The following IPO11 variants were observed in gnomAD, a reference collection of about 807,000 sequenced individuals.
IPO11 encodes importin-11.
In IPO11, 66 loss-of-function variants were observed where a neutral mutation model predicts 143.2. The observed-to-expected ratio is 0.46, with a 90% CI of 0.38 to 0.57. The LOEUF is 0.57. IPO11 is among the 20% of genes least tolerant of loss of function. The probability of loss-of-function intolerance (pLI) is 0.00; values close to 1 mark genes in which losing one functional copy is unlikely to be tolerated. For missense variants in IPO11, 1,026 were observed against 1,141.0 expected, an observed-to-expected ratio of 0.90 and a Z score of 1.45; for synonymous variants, 385 against 377.8, an observed-to-expected ratio of 1.02 and a Z score of -0.22.
rs192741051 is a variant in IPO11 at position 62,462,822 on chromosome 5, T to C, written c.517-4309T>C. On this transcript the variant is annotated intron_variant, in intron 5 of 29. Transcript: ENST00000325324. ...TTTTATTTGGCTGACTCTTTTTTTT[T>C]TCTTTTTCAAGCTTAATCTTACTTT... 8.7e-3 allele frequency among the ~76,000 whole-genome samples: 1,326 copies of C among 152,234 alleles called. 76 individuals carry two copies. Among genetic ancestry groups the C allele is most frequent in the Admixed American group, 0.078 (1,193 of 15,278 alleles).
At chr5:62,595,907 G>T (rs889820626) in intron 28 of IPO11, among the ~76,000 whole-genome samples, 2 of 151,678 alleles carry the variant, frequency 1.3e-5, no homozygotes, top group African/African-American at 4.8e-5. Context: ...TTGTTGAAAG[G>T]AATATTGGGA....
chr5:62,527,537 A>C (rs1474923640), intron 21 of IPO11, among the ~76,000 whole-genome samples: 4 of 152,246 alleles, frequency 2.6e-5, no homozygotes, highest in African/African-American at 9.6e-5. Context: ...TTGTGCAAAC[A>C]TGTAGATACT....
At chr5:62,432,792 G>A (rs1219426336) in intron 1 of IPO11, among the ~76,000 whole-genome samples, 11 of 152,138 alleles carry the variant, frequency 7.2e-5, no homozygotes, top group Admixed American at 5.9e-4. Flanking sequence ...AATGTTGACC[G>A]TTTTTGATGT....
chr5:62,536,249 A>G (rs1376128715), intron 22 of IPO11, among the ~76,000 whole-genome samples: 2 of 152,180 alleles, frequency 1.3e-5, no homozygotes, highest in Non-Finnish European at 2.9e-5. Flanking sequence ...TTCATGTAGT[A>G]TGCCATGCTA....
chr5:62,617,251 TC>T (rs1401151748), intron 29 of IPO11, among the ~76,000 whole-genome samples: 1 of 152,240 alleles, frequency 6.6e-6, no homozygotes, highest in Non-Finnish European at 1.5e-5. Flanking sequence ...ACTCGGCATA[TC>T]CATGACATTT....
chr5:62,509,723 C>T (rs1435043131), intron 19 of IPO11, among the ~76,000 whole-genome samples: 1 of 152,068 alleles, frequency 6.6e-6, no homozygotes, highest in Admixed American at 6.6e-5. Context: ...TTTTAGATAC[C>T]TCATATAAGT....
chr5:62,571,963 G>T (rs950060057), intron 27 of IPO11, among the ~76,000 whole-genome samples: 3 of 152,128 alleles, frequency 2.0e-5, no homozygotes, highest in Non-Finnish European at 4.4e-5. Context: ...TGGGATTACA[G>T]GTATGAGCCA....
At chr5:62,532,512 C>T (rs1742585899) in intron 22 of IPO11, among the ~76,000 whole-genome samples, 1 of 152,094 alleles carries the variant, frequency 6.6e-6, no homozygotes, top group Non-Finnish European at 1.5e-5. Context: ...CATGTGCCAC[C>T]ATGCCCAGCT....
chr5:62,552,568 T>A (rs1323155074), intron 26 of IPO11, among the ~76,000 whole-genome samples: 1 of 151,764 alleles, frequency 6.6e-6, no homozygotes, highest in Non-Finnish European at 1.5e-5. Context: ...CACCTTGGCC[T>A]CCCAAAGTGC....
intron 26 of IPO11, among the ~76,000 whole-genome samples, chr5:62,559,365 G>GATA (rs1328438403): frequency 6.6e-6 from 1 of 151,714 alleles, no homozygotes; most frequent in Non-Finnish European, 1.5e-5. Flanking sequence ...TTTTGGTAGT[G>GATA]ATAACAAAAT....
intron 9 of IPO11, 150 bp from the exon 10 acceptor site, chr5:62,482,951 T>G: frequency 1.8e-6 from 1 of 565,552 alleles, no homozygotes; most frequent in Non-Finnish European, 3.1e-6. Flanking sequence ...CAAGAAGAGT[T>G]ATGATAATGT....
At chr5:62,568,224 A>G (rs967086436) in intron 27 of IPO11, among the ~76,000 whole-genome samples, 10 of 151,562 alleles carry the variant, frequency 6.6e-5, no homozygotes, top group Non-Finnish European at 1.5e-4. Flanking sequence ...TCAGCCTCCC[A>G]AAGTGCTAGG....
intron 22 of IPO11, among the ~76,000 whole-genome samples, chr5:62,536,054 C>T (rs914064807): frequency 6.6e-6 from 1 of 152,096 alleles, no homozygotes; most frequent in African/African-American, 2.4e-5. Context: ...AAAACGATAT[C>T]CTTTTCTGAT....
chr5:62,448,898 AC>A (rs1340134700), intron 3 of IPO11, among the ~76,000 whole-genome samples: 1 of 152,042 alleles, frequency 6.6e-6, no homozygotes, highest in African/African-American at 2.4e-5. Flanking sequence ...TTGTAGTAAT[AC>A]GTTAATTCTG....
intron 20 of IPO11, among the ~76,000 whole-genome samples, chr5:62,519,131 A>C (rs1742125271): frequency 6.6e-6 from 1 of 152,144 alleles, no homozygotes; most frequent in Non-Finnish European, 1.5e-5. Context: ...TAAAACAAGA[A>C]GTGTTATTTA....
At chr5:62,554,344 C>G (rs1743494851) in intron 26 of IPO11, among the ~76,000 whole-genome samples, 1 of 152,110 alleles carries the variant, frequency 6.6e-6, no homozygotes. Context: ...TTAGTAAAAT[C>G]TTTTCCCTGA....
intron 1 of IPO11, among the ~76,000 whole-genome samples, chr5:62,419,437 T>C (rs148905565): frequency 1.3e-3 from 205 of 152,340 alleles, no homozygotes; most frequent in African/African-American, 4.7e-3. Context: ...CACAAATACA[T>C]TGTGTAGTTC....
chr5:62,503,366 TATC>T (rs1448753319), intron 16 of IPO11, among the ~76,000 whole-genome samples: 1 of 141,796 alleles, frequency 7.1e-6, no homozygotes, highest in African/African-American at 2.6e-5. Context: ...ATATTAATAG[TATC>T]TACTAATATA....
chr5:62,520,797 A>G (rs187202743), intron 20 of IPO11, among the ~76,000 whole-genome samples: 29 of 152,376 alleles, frequency 1.9e-4, no homozygotes, highest in African/African-American at 6.0e-4. Flanking sequence ...TACTGTGAAT[A>G]GAGCCACAAT....
Sources: allele counts gnomAD v4.1 joint callset (sites outside exome capture counted in the v4.1 genomes callset), GRCh38; gene constraint gnomAD v4.1.1; transcripts MANE v1.5; gene names NCBI Gene and HGNC (gene_info 2026-07-23, HGNC 2026-07-21).